The following LY86 variants were observed in gnomAD, a reference collection of about 807,000 sequenced individuals.
The protein encoded by LY86 is MD-1, RP105-associated.
A neutral mutation model predicts 17.3 loss-of-function variants in LY86; 20 were observed. That is an observed-to-expected ratio of 1.15 (90% confidence interval 0.81 to 1.68). The LOEUF is 1.68. Ranked by LOEUF, LY86 falls within the 40% of genes most tolerant of loss-of-function variation. The probability of loss-of-function intolerance (pLI) is 0.00; values close to 1 mark genes in which losing one functional copy is unlikely to be tolerated. For missense variants in LY86, 200 were observed against 191.9 expected, an observed-to-expected ratio of 1.04 and a Z score of -0.25; for synonymous variants, 74 against 70.6, an observed-to-expected ratio of 1.05 and a Z score of -0.24.
chr6:6,632,349 A>G (rs1427587278), intron 3 of LY86, among the ~76,000 whole-genome samples: 1 of 152,202 alleles, frequency 6.6e-6, no homozygotes, highest in African/African-American at 2.4e-5. Context: ...TTTCTCAATT[A>G]CTGCATCTAT....
At position 6,604,210 on chromosome 6, in the gene LY86, C is replaced by T. The variant is rs117709798; in HGVS notation, c.136+15340C>T. On this transcript the variant is annotated intron_variant, in intron 1 of 4. Coordinates refer to ENST00000230568, the MANE Select transcript of LY86 (RefSeq NM_004271.4). Reference sequence around the variant, plus strand: ...AACCATAAGCTCACAGTCCAAAATTCAAAAAGACAAGGAAATAAACCACCA... The same window carrying T: ...AACCATAAGCTCACAGTCCAAAATTTAAAAAGACAAGGAAATAAACCACCA... Among the ~76,000 whole-genome samples the T allele has an allele frequency of 2.6e-3, 390 of 152,022 alleles. 8 individuals carry two copies. In the East Asian group the frequency reaches 0.06, roughly 24 times the overall value.
intron 1 of LY86, 135 bp from the exon 2 acceptor site, chr6:6,624,791 T>C (rs1761754433): frequency 1.7e-6 from 1 of 578,960 alleles, no homozygotes; most frequent in Non-Finnish European, 3.1e-6. Flanking sequence ...CATGGGCTTA[T>C]TTTAAAAAGT....
At chr6:6,621,176 G>C (rs1382097404) in intron 1 of LY86, 1 of 152,180 alleles carries the variant, frequency 6.6e-6, no homozygotes, top group Non-Finnish European at 1.5e-5. Flanking sequence ...TCTTTCCTCA[G>C]GTCATTTGCT....
chr6:6,616,943 TCATGGTTCCC>T (rs1761569906), intron 1 of LY86, among the ~76,000 whole-genome samples: 1 of 152,216 alleles, frequency 6.6e-6, no homozygotes, highest in African/African-American at 2.4e-5. Context: ...GTCACCAGTG[TCATGGTTCCC>T]GCTGTCCCTA....
chr6:6,650,577 C>T (rs149429994), intron 4 of LY86, among the ~76,000 whole-genome samples: 6,622 of 152,254 alleles, frequency 0.043, 207 homozygotes, highest in Non-Finnish European at 0.067. Context: ...TCGTGATCCA[C>T]CCGCCTCGGC....
At chr6:6,589,411 AG>A (rs1330413804) in intron 1 of LY86, among the ~76,000 whole-genome samples, 4 of 152,228 alleles carry the variant, frequency 2.6e-5, no homozygotes, top group Non-Finnish European at 5.9e-5. Context: ...TATCAATGCC[AG>A]GGTTTCTCAG....
At chr6:6,612,009 AAAT>A (rs1449004228) in intron 1 of LY86, among the ~76,000 whole-genome samples, 4 of 36,228 alleles carry the variant, frequency 1.1e-4, no homozygotes, top group African/African-American at 2.7e-4. Context: ...AACACTATGA[AAAT>A]AATCTTTGTG....
intron 1 of LY86, among the ~76,000 whole-genome samples, chr6:6,594,447 A>G (rs1274673590): frequency 1.4e-5 from 1 of 71,764 alleles, no homozygotes; most frequent in Admixed American, 1.7e-4. Context: ...GATGTTGTTT[A>G]TGCTACTCGT....
chr6:6,649,735 G>A lies in LY86; in HGVS notation c.405+58G>A, dbSNP rs1033564418. On this transcript the variant is annotated intron_variant, in intron 4 of 4. Transcript: ENST00000230568. ...TTTGTTTCTTGAAGAAGAAGAAGAA[G>A]GCTAGAAGGAGGGAAAGGAGGAGAA... 15 of 969,650 alleles carry A rather than the reference G, an allele frequency of 1.5e-5. No homozygotes were observed. In the African/African-American group the frequency reaches 4.0e-4, roughly 26 times the overall value. The allele number at this position is 969,650 out of a possible 1,614,324, so 60.1% of individuals were successfully genotyped here. A position where few individuals can be genotyped will look rare whatever the true frequency, so the allele number is the denominator to read the frequency against.
intron 1 of LY86, among the ~76,000 whole-genome samples, chr6:6,615,335 G>A (rs1761526956): frequency 6.6e-6 from 1 of 152,194 alleles, no homozygotes; most frequent in Non-Finnish European, 1.5e-5. Context: ...TCCCAACCAT[G>A]AGGTTATGTT....
Position 6,654,015 on chromosome 6 carries a change from G to A in LY86, c.406-529G>A, listed in dbSNP as rs180864646. Among the ~76,000 whole-genome samples the A allele has an allele frequency of 2.3e-4, 35 of 152,318 alleles. No individual in the cohort carries two copies. In the East Asian group the frequency reaches 4.6e-3, roughly 20 times the overall value. ...TCCTGACCAGAGTCCCTTTCAGAGT[G>A]GAAGCTGATGTCCCCACCATGGCCT... On this transcript the variant is annotated intron_variant, in intron 4 of 4. Coordinates refer to ENST00000230568, the MANE Select transcript of LY86 (RefSeq NM_004271.4).
At chr6:6,610,155 G>A (rs1444254753) in intron 1 of LY86, among the ~76,000 whole-genome samples, 2 of 152,160 alleles carry the variant, frequency 1.3e-5, no homozygotes, top group African/African-American at 2.4e-5. Context: ...ACGTGCGTGC[G>A]TGTGAAAACC....
rs1761425399 is a variant in LY86 at position 6,612,946 on chromosome 6, AC to A, written c.137-11979del. On this transcript the variant is annotated intron_variant, in intron 1 of 4. Coordinates refer to ENST00000230568, the MANE Select transcript of LY86 (RefSeq NM_004271.4). ...ATACAGAGTGCCAATTGGTGCATTCACAAACTCTGAGCTAGACACAGGGTGC... is the reference window on the plus strand; with the variant it reads ...ATACAGAGTGCCAATTGGTGCATTCAAAACTCTGAGCTAGACACAGGGTGC... 3.3e-5 allele frequency among the ~76,000 whole-genome samples: 5 copies of A among 151,692 alleles called. 1 individual carries two copies. In the South Asian group the frequency reaches 1.0e-3, roughly 31 times the overall value.
intron 1 of LY86, among the ~76,000 whole-genome samples, chr6:6,612,821 G>A (rs1761420280): frequency 6.6e-6 from 1 of 152,178 alleles, no homozygotes; most frequent in South Asian, 2.1e-4. Flanking sequence ...GCTGATTGGT[G>A]TGTTTACAAA....
At chr6:6,609,777 C>T (rs763590376) in intron 1 of LY86, among the ~76,000 whole-genome samples, 39 of 151,992 alleles carry the variant, frequency 2.6e-4, no homozygotes, top group Non-Finnish European at 5.7e-4. Flanking sequence ...AGCTAAGTTG[C>T]TCTCATACTA....
intron 3 of LY86, among the ~76,000 whole-genome samples, chr6:6,633,664 T>C (rs1761926233): frequency 2.0e-5 from 3 of 152,182 alleles, no homozygotes; most frequent in Non-Finnish European, 4.4e-5. Flanking sequence ...TCACACTTGA[T>C]AATAAGAGAC....
chr6:6,628,429 G>C (rs1761839749), intron 3 of LY86, among the ~76,000 whole-genome samples: 1 of 150,912 alleles, frequency 6.6e-6, no homozygotes, highest in African/African-American at 2.4e-5. Context: ...TTTCTCTTCA[G>C]AGCTGCATTT....
At chr6:6,607,415 T>C (rs116837150) in intron 1 of LY86, among the ~76,000 whole-genome samples, 339 of 152,306 alleles carry the variant, frequency 2.2e-3, no homozygotes, top group African/African-American at 7.5e-3. Flanking sequence ...TATTAAGATA[T>C]TCGTGTTAAA....
chr6:6,588,983 GAA>G, intron 1 of LY86, 113 bp downstream of exon 1: 1 of 1,359,590 alleles, frequency 7.4e-7, no homozygotes, highest in African/African-American at 1.4e-5. Context: ...ACCAGCAGCT[GAA>G]CACTTTCTCC....
Sources: allele counts gnomAD v4.1 joint callset (sites outside exome capture counted in the v4.1 genomes callset), GRCh38; gene constraint gnomAD v4.1.1; transcripts MANE v1.5; gene names NCBI Gene and HGNC (gene_info 2026-07-23, HGNC 2026-07-21).